MARCHF8: variants seen among roughly 807,000 people sequenced by gnomAD.
MARCHF8 encodes the protein E3 ubiquitin-protein ligase MARCHF8.
In MARCHF8, 40 loss-of-function variants were observed where a neutral mutation model predicts 51.6. The observed-to-expected ratio is 0.77, with a 90% CI of 0.60 to 1.01. MARCHF8 has a LOEUF of 1.01. Ranked by LOEUF, MARCHF8 falls within the 50% of genes least tolerant of loss-of-function variation. The probability of loss-of-function intolerance (pLI) is 0.00; values close to 1 mark genes in which losing one functional copy is unlikely to be tolerated. For missense variants in MARCHF8, 685 were observed against 708.6 expected, an observed-to-expected ratio of 0.97 and a Z score of 0.38; for synonymous variants, 263 against 280.3, an observed-to-expected ratio of 0.94 and a Z score of 0.62.
chr10:45,506,187 C>G (rs118129730), intron 2 of MARCHF8, among the ~76,000 whole-genome samples: 1 of 152,076 alleles, frequency 6.6e-6, no homozygotes, highest in Non-Finnish European at 1.5e-5. Flanking sequence ...AGATCTAACA[C>G]TTTCAAGAAA....
chr10:45,542,830 T>A (rs181537935), intron 1 of MARCHF8, among the ~76,000 whole-genome samples: 16 of 152,260 alleles, frequency 1.1e-4, no homozygotes, highest in Admixed American at 5.9e-4. Context: ...GCCACACACT[T>A]TCCAAAAGTG....
At chr10:45,572,926 A>C (rs2044447936) in intron 1 of MARCHF8, among the ~76,000 whole-genome samples, 3 of 147,030 alleles carry the variant, frequency 2.0e-5, no homozygotes, top group African/African-American at 2.5e-5. Context: ...TCCTTTTATC[A>C]CCTCCCCCTC....
chr10:45,551,320 A>G (rs2133338822), intron 1 of MARCHF8, among the ~76,000 whole-genome samples: 1 of 152,318 alleles, frequency 6.6e-6, no homozygotes, highest in East Asian at 1.9e-4. Context: ...CACAGTGCAG[A>G]TTGGGAGTGG....
chr10:45,458,207 G>C lies in MARCHF8; in HGVS notation c.*32C>G. The C allele has an allele frequency of 6.3e-7, 1 of 1,578,232 alleles. No individual in the cohort carries two copies. The highest frequency in any genetic ancestry group is 1.8e-5 in the Admixed American group (1 of 56,112). ...TAAACAATTTCCTTCAGCTCTTCAT[G>C]GATGTCCAGGAAAATGACAACCCGC... On this transcript the variant is annotated 3_prime_UTR_variant, in exon 8 of 8. Transcript: ENST00000453424.
At chr10:45,522,302 T>A (rs2043720109) in intron 2 of MARCHF8, among the ~76,000 whole-genome samples, 1 of 152,216 alleles carries the variant, frequency 6.6e-6, no homozygotes, top group Admixed American at 6.5e-5. Flanking sequence ...GGACACTATC[T>A]GGGAGTGGAC....
intron 1 of MARCHF8, among the ~76,000 whole-genome samples, chr10:45,585,662 A>G (rs2044610608): frequency 6.6e-6 from 1 of 152,208 alleles, no homozygotes; most frequent in African/African-American, 2.4e-5. Flanking sequence ...GGGCATCAAA[A>G]GTAATGTAGA....
At chr10:45,486,084 A>G (rs2042974016) in intron 3 of MARCHF8, among the ~76,000 whole-genome samples, 1 of 152,162 alleles carries the variant, frequency 6.6e-6, no homozygotes, top group South Asian at 2.1e-4. Flanking sequence ...CATGCTAACT[A>G]TCTTCGTTAC....
chr10:45,563,935 G>C (rs2044337218), intron 1 of MARCHF8, among the ~76,000 whole-genome samples: 1 of 152,168 alleles, frequency 6.6e-6, no homozygotes, highest in Non-Finnish European at 1.5e-5. Context: ...AGAGAAAGTT[G>C]ACAACACATG....
chr10:45,594,477 C>T (rs112035106), exon 1 of MARCHF8: 7,754 of 152,322 alleles, frequency 0.051, 211 homozygotes, highest in African/African-American at 0.062. Flanking sequence ...TGGTTCCGCT[C>T]GGCCCGGCCC....
chr10:45,482,431 G>A (rs536668901), intron 3 of MARCHF8, among the ~76,000 whole-genome samples: 1 of 152,164 alleles, frequency 6.6e-6, no homozygotes, highest in South Asian at 2.1e-4. Flanking sequence ...CAAGGCTACA[G>A]AAACCAAAAT....
intron 1 of MARCHF8, among the ~76,000 whole-genome samples, chr10:45,545,748 A>T (rs2044111641): frequency 6.6e-6 from 1 of 152,210 alleles, no homozygotes; most frequent in Admixed American, 6.5e-5. Flanking sequence ...CTTGCTATCC[A>T]ACAGCTGAAC....
rs536427071 is a variant in MARCHF8, at chr10:45,531,969, A to T, written c.102+1141T>A. Among the ~76,000 whole-genome samples, 3 of 152,252 alleles carry T rather than the reference A, an allele frequency of 2.0e-5. No individual in the cohort carries two copies. In the East Asian group the frequency reaches 5.8e-4, roughly 29 times the overall value. On this transcript the variant is annotated intron_variant, in intron 2 of 7. Transcript: ENST00000453424. ...CAATTGAGACCCTAGAAACACAACC[A>T]CTATTTTCATCCTGTGCCATTGCTG...
At chr10:45,550,681 C>T (rs539413710) in intron 1 of MARCHF8, among the ~76,000 whole-genome samples, 1 of 152,182 alleles carries the variant, frequency 6.6e-6, no homozygotes, top group Admixed American at 6.5e-5. Context: ...CCTGTACATG[C>T]CATGTACAAC....
At chr10:45,491,271 T>C (rs966321642) in intron 2 of MARCHF8, among the ~76,000 whole-genome samples, 1 of 152,122 alleles carries the variant, frequency 6.6e-6, no homozygotes, top group African/African-American at 2.4e-5. Context: ...CCAAAGAATG[T>C]TTCTAAAAGA....
chr10:45,579,216 A>T (rs988444069), intron 1 of MARCHF8, among the ~76,000 whole-genome samples: 2 of 152,196 alleles, frequency 1.3e-5, no homozygotes, highest in African/African-American at 4.8e-5. Context: ...GCATAAAAAG[A>T]AAGGGGGAAA....
At chr10:45,524,399 A>G (rs2043757689) in intron 2 of MARCHF8, among the ~76,000 whole-genome samples, 1 of 152,234 alleles carries the variant, frequency 6.6e-6, no homozygotes, top group Non-Finnish European at 1.5e-5. Flanking sequence ...CAGAAGTGAA[A>G]GACTCCAGGG....
At chr10:45,489,738 A>C (rs1378261336) in intron 2 of MARCHF8, among the ~76,000 whole-genome samples, 1 of 152,210 alleles carries the variant, frequency 6.6e-6, no homozygotes, top group African/African-American at 2.4e-5. Flanking sequence ...ATTTCACGTG[A>C]AAGTTCAGAT....
chr10:45,527,021 T>C (rs1271168202), intron 2 of MARCHF8, among the ~76,000 whole-genome samples: 1 of 152,210 alleles, frequency 6.6e-6, no homozygotes, highest in Admixed American at 6.5e-5. Flanking sequence ...TTGAATGATT[T>C]TTGGGTCAGT....
chr10:45,527,720 T>C (rs2043815543), intron 2 of MARCHF8, among the ~76,000 whole-genome samples: 1 of 152,234 alleles, frequency 6.6e-6, no homozygotes, highest in Non-Finnish European at 1.5e-5. Context: ...GACAACACTG[T>C]TCCCCCAAAT....
Sources: allele counts gnomAD v4.1 joint callset (sites outside exome capture counted in the v4.1 genomes callset), GRCh38; gene constraint gnomAD v4.1.1; transcripts MANE v1.5; gene names NCBI Gene and HGNC (gene_info 2026-07-23, HGNC 2026-07-21).